The following TRMT11 variants were observed in gnomAD, a reference collection of about 807,000 sequenced individuals.
TRMT11 encodes the protein tRNA (guanine(10)-N(2))-methyltransferase TRMT11.
A neutral mutation model predicts 62.8 loss-of-function variants in TRMT11; 53 were observed. The observed-to-expected ratio is 0.84, with a 90% CI of 0.68 to 1.06. The LOEUF is 1.06. Among genes scored for constraint, TRMT11 ranks in the 50% least tolerant of loss-of-function variants. The probability of loss-of-function intolerance (pLI) is 0.00; values close to 1 mark genes in which losing one functional copy is unlikely to be tolerated. For missense variants in TRMT11, 556 were observed against 553.4 expected (o/e 1.00, Z -0.05); for synonymous variants, 188 against 190.3 (o/e 0.99, Z 0.10).
At chr6:126,254,433 C>CA in the TRMT11 span, among the ~76,000 whole-genome samples, 2 of 152,194 alleles carry the variant, frequency 1.3e-5, no homozygotes, top group African/African-American at 2.4e-5. Flanking sequence ...ATTTATTGAA[C>CA]ACTTACTGTG....
upstream of TRMT11, among the ~76,000 whole-genome samples, chr6:126,173,383 C>T (rs1778351664): frequency 6.6e-6 from 1 of 152,200 alleles, no homozygotes; most frequent in African/African-American, 2.4e-5. Flanking sequence ...GGCCCTCATT[C>T]ACCCTCACAT....
At chr6:126,068,291 A>G (rs1473071843) in intron 17 of TRMT11, among the ~76,000 whole-genome samples, 1 of 152,124 alleles carries the variant, frequency 6.6e-6, no homozygotes, top group African/African-American at 2.4e-5. Flanking sequence ...TGGCAGTTAA[A>G]CATTATTTTT....
intron 1 of TRMT11, among the ~76,000 whole-genome samples, chr6:126,197,962 T>G (rs1778685779): frequency 6.6e-6 from 1 of 152,188 alleles, no homozygotes; most frequent in African/African-American, 2.4e-5. Flanking sequence ...AGTAGACCCT[T>G]TCTTATCCAG....
chr6:126,168,445 G>A (rs1755212490), intron 21 of TRMT11, among the ~76,000 whole-genome samples: 1 of 152,282 alleles, frequency 6.6e-6, no homozygotes, highest in East Asian at 1.9e-4. Flanking sequence ...CTAAGTTTTT[G>A]CCAGCTGTAT....
intron 21 of TRMT11, among the ~76,000 whole-genome samples, chr6:126,161,684 A>G (rs1583894288): frequency 6.6e-6 from 1 of 152,120 alleles, no homozygotes; most frequent in East Asian, 1.9e-4. Flanking sequence ...TTGAACTATT[A>G]TTTACACTCC....
At chr6:125,997,760 C>T (rs557560990) in intron 3 of TRMT11, among the ~76,000 whole-genome samples, 4 of 152,314 alleles carry the variant, frequency 2.6e-5, no homozygotes, top group Middle Eastern at 3.4e-3. Flanking sequence ...CCACCCACCT[C>T]GGCCTCCCAA....
At chr6:126,237,819 C>T in the TRMT11 span, among the ~76,000 whole-genome samples, 4 of 152,290 alleles carry the variant, frequency 2.6e-5, no homozygotes, top group South Asian at 2.1e-4. Context: ...CAGAAGAATT[C>T]GGCTGTGAAT....
chr6:126,264,651 A>G, the TRMT11 span, among the ~76,000 whole-genome samples: 1 of 152,202 alleles, frequency 6.6e-6, no homozygotes, highest in Non-Finnish European at 1.5e-5. Context: ...GTCTCCACCA[A>G]TCAGTTGGAA....
intron 17 of TRMT11, among the ~76,000 whole-genome samples, chr6:126,070,760 T>C (rs1167153728): frequency 2.0e-5 from 3 of 152,236 alleles, no homozygotes; most frequent in Non-Finnish European, 4.4e-5. Context: ...GCAACTTAAA[T>C]ATGTCATCTC....
At chr6:126,257,972 C>G in the TRMT11 span, 1 of 1,563,482 alleles carries the variant, frequency 6.4e-7, no homozygotes, top group Non-Finnish European at 8.8e-7. Flanking sequence ...TCTTGTCCAG[C>G]AGGTCAGGGA....
At chr6:126,070,246 T>C (rs144284440) in intron 17 of TRMT11, among the ~76,000 whole-genome samples, 4 of 152,208 alleles carry the variant, frequency 2.6e-5, no homozygotes, top group Non-Finnish European at 5.9e-5. Context: ...AAGAGACGAG[T>C]TGGTTCCTAT....
At chr6:126,003,225 G>A (rs995163951) in intron 7 of TRMT11, among the ~76,000 whole-genome samples, 16 of 152,160 alleles carry the variant, frequency 1.1e-4, no homozygotes, top group Admixed American at 9.8e-4. Flanking sequence ...TTTGAATGTG[G>A]CCTGATACAA....
At position 126,152,986 on chromosome 6, in the gene TRMT11, A is replaced by G. The variant is rs1198128967; in HGVS notation, c.*1824-21839A>G. 2.0e-5 allele frequency among the ~76,000 whole-genome samples: 3 copies of G among 152,196 alleles called. No individual in the cohort carries two copies. The East Asian group carries it at 5.8e-4, about 29-fold the overall frequency. ...CCAGAAGAATGTGATGGAATTTCTT[A>G]CACGCTCAGATACTTCATCTGCAAA... is the stretch of plus-strand genomic sequence containing the variant. On this transcript the variant is annotated intron_variant and NMD_transcript_variant, in intron 21 of 22. Coordinates refer to the TRMT11 transcript ENST00000648977.
intron 11 of TRMT11, among the ~76,000 whole-genome samples, chr6:126,016,494 A>C (rs997129668): frequency 2.6e-5 from 4 of 152,114 alleles, no homozygotes; most frequent in Non-Finnish European, 4.4e-5. Flanking sequence ...GTGGTTGAGA[A>C]TTTATTTTGG....
chr6:126,229,294 T>G, the TRMT11 span, among the ~76,000 whole-genome samples: 2 of 152,220 alleles, frequency 1.3e-5, no homozygotes, highest in Non-Finnish European at 2.9e-5. Flanking sequence ...AACAAAATGC[T>G]AGATGCCAGG....
the TRMT11 span, among the ~76,000 whole-genome samples, chr6:126,240,382 T>A: frequency 1.4e-4 from 22 of 152,170 alleles, no homozygotes; most frequent in African/African-American, 4.6e-4. Context: ...TACAGATGGG[T>A]TTTTGGTGTG....
At chr6:126,115,614 TACTC>T (rs1174073112) in intron 20 of TRMT11, among the ~76,000 whole-genome samples, 8 of 152,138 alleles carry the variant, frequency 5.3e-5, no homozygotes, top group Non-Finnish European at 1.0e-4. Flanking sequence ...ATGTACATGT[TACTC>T]AAGAAGAAGA....
downstream of TRMT11, among the ~76,000 whole-genome samples, chr6:126,203,242 T>C (rs954301257): frequency 6.6e-6 from 1 of 152,226 alleles, no homozygotes; most frequent in African/African-American, 2.4e-5. Context: ...AACAATTTAA[T>C]CTTTTCACAT....
chr6:126,025,179 A>G (rs1772826220), intron 12 of TRMT11, among the ~76,000 whole-genome samples: 1 of 152,204 alleles, frequency 6.6e-6, no homozygotes, highest in South Asian at 2.1e-4. Flanking sequence ...CCCATTGTGG[A>G]CTAATTTTTA....
Sources: allele counts gnomAD v4.1 joint callset (sites outside exome capture counted in the v4.1 genomes callset), GRCh38; gene constraint gnomAD v4.1.1; transcripts MANE v1.5; gene names NCBI Gene and HGNC (gene_info 2026-07-23, HGNC 2026-07-21).